Variants in PLGRKT observed in about 807,000 individuals in gnomAD.
PLGRKT encodes the protein plasminogen receptor with a C-terminal lysine.
Under a neutral mutation model 18.5 loss-of-function variants are expected in PLGRKT, and 22 were observed. The ratio of observed to expected loss-of-function variants is 1.19; its 90% CI spans 0.85 to 1.70. PLGRKT has a LOEUF of 1.70. PLGRKT is among the 40% of genes most tolerant of loss of function. The pLI is 0.00. For synonymous variants in PLGRKT, 72 were observed against 52.8 expected (o/e 1.36, Z -1.58); for missense variants, 235 against 174.4 (o/e 1.35, Z -1.96).
intron 3 of PLGRKT, among the ~76,000 whole-genome samples, chr9:5,366,227 C>A (rs1228633486): frequency 6.6e-6 from 1 of 152,038 alleles, no homozygotes; most frequent in African/African-American, 2.4e-5. Flanking sequence ...AATTGGCATC[C>A]TTTAACTATG....
intron 5 of PLGRKT, among the ~76,000 whole-genome samples, chr9:5,359,676 C>G (rs982697473): frequency 3.9e-5 from 6 of 152,054 alleles, no homozygotes; most frequent in African/African-American, 1.4e-4. Context: ...TCTACATTTT[C>G]TAATGTGATA....
intron 5 of PLGRKT, among the ~76,000 whole-genome samples, chr9:5,360,368 A>G (rs1817236576): frequency 6.6e-6 from 1 of 152,192 alleles, no homozygotes; most frequent in African/African-American, 2.4e-5. Context: ...TTGTGGACTC[A>G]TGTTTCTGTT....
rs1050361440 is a variant in PLGRKT, at chr9:5,367,787, T to G, written c.82-5899A>C. Reference sequence around the variant, plus strand: ...CTTCTGCCCAACAACAACAAAACTATCAACAGAGTAAACAATTTACAGAAT... The same window carrying G: ...CTTCTGCCCAACAACAACAAAACTAGCAACAGAGTAAACAATTTACAGAAT... On this transcript the variant is annotated intron_variant, in intron 3 of 5. Coordinates refer to ENST00000223864, the MANE Select transcript of PLGRKT (RefSeq NM_018465.4). Among the ~76,000 whole-genome samples, 21 of 152,008 alleles carry G rather than the reference T, an allele frequency of 1.4e-4. 1 individual carries two copies. Among genetic ancestry groups the G allele is most frequent in the Middle Eastern group, 3.4e-3 (1 of 294 alleles).
At chr9:5,412,112 T>G (rs896442648) in intron 3 of PLGRKT, among the ~76,000 whole-genome samples, 2 of 152,172 alleles carry the variant, frequency 1.3e-5, no homozygotes, top group Admixed American at 6.5e-5. Flanking sequence ...CTAGACAAAC[T>G]GACCAGTGAA....
At chr9:5,387,050 ATG>A (rs1167470667) in intron 3 of PLGRKT, among the ~76,000 whole-genome samples, 1 of 151,888 alleles carries the variant, frequency 6.6e-6, no homozygotes, top group Admixed American at 6.6e-5. Flanking sequence ...TCAAACTTTA[ATG>A]TGTGTGTGAA....
intron 3 of PLGRKT, among the ~76,000 whole-genome samples, chr9:5,406,849 T>C (rs1818267514): frequency 6.6e-6 from 1 of 152,206 alleles, no homozygotes; most frequent in South Asian, 2.1e-4. Context: ...TTCATCCATG[T>C]AACCAAAAAC....
intron 3 of PLGRKT, among the ~76,000 whole-genome samples, chr9:5,377,326 T>C (rs1481429578): frequency 1.3e-5 from 2 of 151,994 alleles, no homozygotes; most frequent in African/African-American, 4.8e-5. Context: ...ACTATGGTAA[T>C]CTTTTCTTCT....
chr9:5,382,453 G>A (rs1359534800), intron 3 of PLGRKT, among the ~76,000 whole-genome samples: 1 of 152,208 alleles, frequency 6.6e-6, no homozygotes, highest in African/African-American at 2.4e-5. Flanking sequence ...GAAATGGGGA[G>A]CACTTCAGGC....
At chr9:5,426,406 G>C (rs903128953) in intron 3 of PLGRKT, among the ~76,000 whole-genome samples, 2 of 152,136 alleles carry the variant, frequency 1.3e-5, no homozygotes, top group East Asian at 3.8e-4. Flanking sequence ...ATTCCTTCAA[G>C]TGGGACACAT....
At chr9:5,406,442 A>C (rs1818258205) in intron 3 of PLGRKT, among the ~76,000 whole-genome samples, 1 of 152,228 alleles carries the variant, frequency 6.6e-6, no homozygotes, top group Non-Finnish European at 1.5e-5. Context: ...AAAAGGAACA[A>C]GATCATGTCC....
intron 1 of PLGRKT, 107 bp downstream of exon 1, chr9:5,437,682 G>A (rs1224245922): frequency 6.6e-6 from 1 of 152,320 alleles, no homozygotes; most frequent in Non-Finnish European, 1.5e-5. Context: ...CTCACGAGGA[G>A]CGGGCGCCCA....
At chr9:5,422,018 T>A (rs954378351) in intron 3 of PLGRKT, among the ~76,000 whole-genome samples, 4 of 152,082 alleles carry the variant, frequency 2.6e-5, no homozygotes, top group Admixed American at 2.6e-4. Flanking sequence ...AAGGACAGAA[T>A]CAAGCATTTA....
At position 5,361,094 on chromosome 9, in the gene PLGRKT, A is replaced by C; in HGVS notation, c.306T>G (p.Leu102=). The part of the protein sequence containing the change: ...TYQYDLGYGT[L]LERMKGEAED... Reference sequence around the variant, plus strand: ...AAGACTTACCTTTCATTCTTTCTAAAAGGGTTCCATAGCCCAAGTCATACT... The same window carrying C: ...AAGACTTACCTTTCATTCTTTCTAACAGGGTTCCATAGCCCAAGTCATACT... Residue 102 remains leucine, a synonymous_variant, in exon 5 of 6, where the codon CTT becomes CTG. Transcript: ENST00000223864. The C allele has an allele frequency of 6.4e-7, 1 of 1,557,216 alleles. No individual in the cohort carries two copies. The highest frequency in any genetic ancestry group is 8.8e-7 in the Non-Finnish European group (1 of 1,130,124).
intron 3 of PLGRKT, among the ~76,000 whole-genome samples, chr9:5,406,217 T>A (rs1046286901): frequency 6.6e-6 from 1 of 152,210 alleles, no homozygotes; most frequent in Non-Finnish European, 1.5e-5. Flanking sequence ...CTCAAAGATT[T>A]AGAACCGAAA....
intron 3 of PLGRKT, among the ~76,000 whole-genome samples, chr9:5,399,863 C>T (rs182541170): frequency 5.9e-5 from 9 of 151,586 alleles, no homozygotes; most frequent in Middle Eastern, 3.4e-3. Flanking sequence ...TGGTGGTGCA[C>T]GCCTGTCATC....
At chr9:5,404,519 A>G (rs1359542067) in intron 3 of PLGRKT, among the ~76,000 whole-genome samples, 1 of 152,210 alleles carries the variant, frequency 6.6e-6, no homozygotes, top group Non-Finnish European at 1.5e-5. Flanking sequence ...AGAACTAAAG[A>G]CAAAAACCAT....
chr9:5,405,567 T>A (rs187221996), intron 3 of PLGRKT, among the ~76,000 whole-genome samples: 1 of 152,038 alleles, frequency 6.6e-6, no homozygotes, highest in South Asian at 2.1e-4. Flanking sequence ...ATGTAGAAAA[T>A]TGAAACTGGA....
In PLGRKT at chr9:5,432,614, C is replaced by T. The variant is rs1048911546; in HGVS notation, c.-6-631G>A. On this transcript the variant is annotated intron_variant, in intron 2 of 5. Transcript: ENST00000223864. ...TCTGGCTCCGGTGATTCTCCTGTCT[C>T]GGCCTGCCGAGTGCCAGGGATTCCA... Among the ~76,000 whole-genome samples the T allele has an allele frequency of 5.3e-5, 8 of 152,104 alleles. No individual in the cohort carries two copies. The East Asian group carries it at 9.7e-4, about 18-fold the overall frequency.
rs142250669 is a variant in PLGRKT at position 5,378,680 on chromosome 9, G to A, written c.82-16792C>T. 1.8e-3 allele frequency among the ~76,000 whole-genome samples: 271 copies of A among 152,168 alleles called. 1 individual carries two copies. The highest frequency in any genetic ancestry group is 6.1e-3 in the African/African-American group (252 of 41,498). ...AAAGGCATATATAATTAATGAAGAA[G>A]ATAGAAGAGTTAAGAATTTTTTATA... is the stretch of plus-strand genomic sequence containing the variant. On this transcript the variant is annotated intron_variant, in intron 3 of 5. Transcript: ENST00000223864.
Sources: allele counts gnomAD v4.1 joint callset (sites outside exome capture counted in the v4.1 genomes callset), GRCh38; gene constraint gnomAD v4.1.1; transcripts MANE v1.5; gene names NCBI Gene and HGNC (gene_info 2026-07-23, HGNC 2026-07-21).